PCDH7: variants seen among roughly 807,000 people sequenced by gnomAD.
The protein encoded by PCDH7 is protocadherin-7.
PCDH7 carries 17 observed loss-of-function variants against 58.9 expected under a neutral mutation model. The observed-to-expected ratio is 0.29, with a 90% CI of 0.20 to 0.43. The LOEUF is 0.43. Ranked by LOEUF, PCDH7 falls within the 20% of genes least tolerant of loss-of-function variation. PCDH7 has a pLI of 1.00. For missense variants in PCDH7, 1,274 were observed against 1,441.0 expected (o/e 0.88, Z 1.88); for synonymous variants, 664 against 616.4 (o/e 1.08, Z -1.14).
chr4:30,908,671 C>A (rs886456313), intron 1 of PCDH7, among the ~76,000 whole-genome samples: 2 of 152,062 alleles, frequency 1.3e-5, no homozygotes, highest in African/African-American at 4.8e-5. Flanking sequence ...AATCCCAGGA[C>A]CAGAAGGATT....
intron 3 of PCDH7, among the ~76,000 whole-genome samples, chr4:31,056,705 A>G (rs1318673135): frequency 6.6e-6 from 1 of 151,782 alleles, no homozygotes; most frequent in African/African-American, 2.4e-5. Flanking sequence ...AGCAAGAGAG[A>G]AAGAGAAAAA....
chr4:30,785,862 T>A (rs2109293820), intron 1 of PCDH7, among the ~76,000 whole-genome samples: 1 of 152,168 alleles, frequency 6.6e-6, no homozygotes, highest in South Asian at 2.1e-4. Context: ...GAAAGTGATT[T>A]ATTATTATTT....
intron 1 of PCDH7, among the ~76,000 whole-genome samples, chr4:30,745,078 A>C (rs1717591906): frequency 1.3e-5 from 2 of 152,124 alleles, no homozygotes; most frequent in Admixed American, 6.5e-5. Flanking sequence ...AGCGATTTCC[A>C]AAAAAACAAG....
intron 1 of PCDH7, among the ~76,000 whole-genome samples, chr4:30,754,188 GTT>G (rs1553879619): frequency 7.1e-6 from 1 of 140,904 alleles, no homozygotes; most frequent in Admixed American, 6.9e-5. Flanking sequence ...GTGTGTGTGT[GTT>G]TTTTCTGGAG....
chr4:30,840,686 A>G (rs980385274), intron 1 of PCDH7, among the ~76,000 whole-genome samples: 1 of 152,144 alleles, frequency 6.6e-6, no homozygotes, highest in African/African-American at 2.4e-5. Context: ...TCTGAGGAGC[A>G]GAACAAAATT....
At chr4:30,898,320 T>C in intron 1 of PCDH7, among the ~76,000 whole-genome samples, 1 of 152,074 alleles carries the variant, frequency 6.6e-6, no homozygotes, top group Admixed American at 6.6e-5. Context: ...TTTCAGAGCC[T>C]TAGTTTATTC....
rs1027906306 is a variant in PCDH7 at position 30,908,559 on chromosome 4, A to G, written c.71-11594A>G. Among the ~76,000 whole-genome samples, 138 of 152,256 alleles carry G rather than the reference A, an allele frequency of 9.1e-4. 1 individual carries two copies. Among genetic ancestry groups the G allele is most frequent in the Admixed American group, 4.6e-4 (7 of 15,274 alleles). On this transcript the variant is annotated intron_variant, in intron 1 of 3. Coordinates refer to the PCDH7 transcript ENST00000509759. ...AAGAAACCGGTAAATTTCTGGACAC[A>G]TACACACTCCCAAGATTAAACCAGG... is the stretch of plus-strand genomic sequence containing the variant.
At chr4:30,930,650 G>C (rs144783803) in intron 2 of PCDH7, among the ~76,000 whole-genome samples, 12 of 152,282 alleles carry the variant, frequency 7.9e-5, no homozygotes, top group Admixed American at 7.8e-4. Flanking sequence ...AACAAAATCA[G>C]GCTGGGCAAG....
intron 3 of PCDH7, among the ~76,000 whole-genome samples, chr4:31,118,967 T>C (rs1275465871): frequency 6.6e-6 from 1 of 152,166 alleles, no homozygotes; most frequent in African/African-American, 2.4e-5. Context: ...CTAAAAACTT[T>C]TTGAGATTAA....
At chr4:31,082,568 A>G (rs1279427565) in intron 3 of PCDH7, among the ~76,000 whole-genome samples, 1 of 152,248 alleles carries the variant, frequency 6.6e-6, no homozygotes, top group East Asian at 1.9e-4. Flanking sequence ...GAAAGTCACA[A>G]CAAATCATGA....
chr4:31,127,601 A>G (rs1335716401), intron 3 of PCDH7, among the ~76,000 whole-genome samples: 1 of 152,180 alleles, frequency 6.6e-6, no homozygotes, highest in Non-Finnish European at 1.5e-5. Flanking sequence ...ATTCTAGAAA[A>G]TTGAAATCTA....
At chr4:30,838,940 C>A (rs1730870452) in intron 1 of PCDH7, among the ~76,000 whole-genome samples, 1 of 152,016 alleles carries the variant, frequency 6.6e-6, no homozygotes, top group African/African-American at 2.4e-5. Flanking sequence ...TTCCTACCTT[C>A]CTTCCTTCCA....
Position 30,741,855 on chromosome 4 carries a change from C to T in PCDH7, c.70+17259C>T, listed in dbSNP as rs150052610. ...GGACAATTAATTTTGAATCTATAAACGTCAATGAAAATATTTGTATGCTTT... is the reference window on the plus strand; with the variant it reads ...GGACAATTAATTTTGAATCTATAAATGTCAATGAAAATATTTGTATGCTTT... On this transcript the variant is annotated intron_variant, in intron 1 of 3. Transcript: ENST00000509759. Among the ~76,000 whole-genome samples the T allele has an allele frequency of 7.7e-3, 1,170 of 152,200 alleles. 12 individuals are homozygous for T. Among genetic ancestry groups the T allele is most frequent in the African/African-American group, 0.027 (1,106 of 41,530 alleles).
chr4:30,730,502 G>C (rs1418129480), intron 1 of PCDH7, among the ~76,000 whole-genome samples: 1 of 152,148 alleles, frequency 6.6e-6, no homozygotes, highest in Non-Finnish European at 1.5e-5. Context: ...GGAATGTAGT[G>C]ATGTTTGTAT....
intron 3 of PCDH7, among the ~76,000 whole-genome samples, chr4:30,993,746 T>A (rs1378367436): frequency 6.6e-6 from 1 of 152,172 alleles, no homozygotes; most frequent in Non-Finnish European, 1.5e-5. Flanking sequence ...TAGATTTTTT[T>A]TTTTGGCCAA....
Position 30,722,715 on chromosome 4 carries a change from C to A in PCDH7, c.1293C>A (p.Asn431Lys), listed in dbSNP as rs772366062. 225 of 1,613,402 alleles carry A rather than the reference C, an allele frequency of 1.4e-4. No homozygotes were observed. The highest frequency in any genetic ancestry group is 1.8e-4 in the Non-Finnish European group (214 of 1,180,002). The change falls in exon 1 of 2, where the codon AAC becomes AAA. Residue 431 changes from asparagine to lysine, a missense_variant. By Grantham distance (94) the Asn-to-Lys change is moderately conservative (BLOSUM62 0). This residue lies in a region of PCDH7 where 731 missense variants were observed against 881.9 expected (regional missense o/e 0.83). Coordinates refer to ENST00000361762, the Ensembl canonical transcript of PCDH7. This position sits in a 1 kb window ranked among gnomAD's most constrained non-coding sequence, Gnocchi z 7.6. Reference sequence around the variant, plus strand: ...TCCCCCTCAAGGACGGGGTGGCCAACGTGGCCGAGGACGTTCTGGTCGACA... The same window carrying A: ...TCCCCCTCAAGGACGGGGTGGCCAAAGTGGCCGAGGACGTTCTGGTCGACA...
chr4:30,838,274 G>A (rs577340692), intron 1 of PCDH7, among the ~76,000 whole-genome samples: 30 of 152,232 alleles, frequency 2.0e-4, no homozygotes, highest in South Asian at 1.5e-3. Flanking sequence ...CCATAGGCAT[G>A]TGGTTCTCCC....
At chr4:30,855,153 T>C (rs7676204) in intron 1 of PCDH7, among the ~76,000 whole-genome samples, 2 of 152,112 alleles carry the variant, frequency 1.3e-5, no homozygotes, top group Middle Eastern at 3.2e-3. Context: ...AAGCCACACA[T>C]TGGTGAAGCA....
intron 3 of PCDH7, among the ~76,000 whole-genome samples, chr4:31,014,142 A>G (rs1318308518): frequency 1.3e-5 from 2 of 152,140 alleles, no homozygotes; most frequent in African/African-American, 4.8e-5. Context: ...TTGCATTGCT[A>G]TAGAAAAAAA....
Sources: gnomAD v4.1 joint callset for allele counts (sites outside exome capture counted in the v4.1 genomes callset) on GRCh38, gnomAD v4.1.1 for gene constraint, gnomAD v4.1.1 regional missense constraint, Gnocchi (gnomAD v3.1) non-coding constraint, MANE v1.5 for transcripts, NCBI Gene and HGNC (gene_info 2026-07-23, HGNC 2026-07-21) for gene names.